Variants in HHIP observed in about 807,000 individuals in gnomAD.
HHIP encodes hedgehog interacting protein.
HHIP carries 12 observed loss-of-function variants against 74.0 expected under a neutral mutation model. That is an observed-to-expected ratio of 0.16 (90% CI 0.10 to 0.26). The LOEUF (loss-of-function observed/expected upper bound fraction) is 0.26. Ranked by LOEUF, HHIP falls within the 10% of genes least tolerant of loss-of-function variation. The pLI is 1.00. For synonymous variants in HHIP, 309 were observed against 311.6 expected (o/e 0.99, Z 0.09); for missense variants, 788 against 845.0 (o/e 0.93, Z 0.84).
intron 4 of HHIP, among the ~76,000 whole-genome samples, chr4:144,702,228 A>C (rs910952709): frequency 6.6e-6 from 1 of 152,200 alleles, no homozygotes; most frequent in Non-Finnish European, 1.5e-5. Flanking sequence ...TGGATACTTA[A>C]TTATTCAAAG....
intron 11 of HHIP, among the ~76,000 whole-genome samples, chr4:144,725,869 C>T (rs1730789907): frequency 6.6e-6 from 1 of 152,074 alleles, no homozygotes. Context: ...GGGGGTTTCA[C>T]CATGTTGGCC....
rs1731230139 is a variant in HHIP at position 144,740,273 on chromosome 4, A to G, written c.*2316A>G. ...CCAAAATAAAAGGTGTTCTATTGCC[A>G]TTAGTTCTACTGTTTTAAAATATCT... On this transcript the variant is annotated 3_prime_UTR_variant, in exon 13 of 13. Transcript: ENST00000296575. 1 of 152,176 alleles carries G rather than the reference A, an allele frequency of 6.6e-6. No homozygotes were observed. Among genetic ancestry groups the G allele is most frequent in the Non-Finnish European group, 1.5e-5 (1 of 68,024 alleles). The allele number at this position is 152,176 out of a possible 1,614,324, so 9.4% of individuals were successfully genotyped here.
intron 11 of HHIP, 152 bp from the exon 12 acceptor site, chr4:144,734,589 A>G: frequency 2.0e-6 from 1 of 506,724 alleles, no homozygotes; most frequent in South Asian, 4.5e-5. Flanking sequence ...TCCTATCCTT[A>G]GAAAGTTGTA....
intron 4 of HHIP, among the ~76,000 whole-genome samples, chr4:144,676,893 G>C (rs1578692154): frequency 6.6e-6 from 1 of 152,250 alleles, no homozygotes. Flanking sequence ...TCCTTCTGAG[G>C]ATGACTGTGT....
At position 144,738,704 on chromosome 4, in the gene HHIP, A is replaced by G; in HGVS notation, c.*747A>G. The stretch of plus-strand genomic sequence containing the variant: ...GTTACATATTTATATATTTTATTTT[A>G]TTTTTATAATATAGACATCACCTAG... On this transcript the variant is annotated 3_prime_UTR_variant, in exon 13 of 13. Coordinates refer to ENST00000296575, the MANE Select transcript of HHIP (RefSeq NM_022475.3). 1 of 779,138 alleles carries G rather than the reference A, an allele frequency of 1.3e-6. No homozygotes were observed. The highest frequency in any genetic ancestry group is 1.6e-6 in the Non-Finnish European group (1 of 641,614). 48.3% of individuals were successfully genotyped at this position (779,138 alleles called of 1,614,324 possible). A position where few individuals can be genotyped will look rare whatever the true frequency, so the allele number is the denominator to read the frequency against.
intron 4 of HHIP, among the ~76,000 whole-genome samples, chr4:144,686,045 C>G (rs571072161): frequency 2.6e-5 from 4 of 152,098 alleles, no homozygotes; most frequent in Non-Finnish European, 5.9e-5. Flanking sequence ...TTTTTGCCAA[C>G]TGAACATTAC....
chr4:144,698,994 C>T (rs1420980189), intron 4 of HHIP, among the ~76,000 whole-genome samples: 1 of 152,140 alleles, frequency 6.6e-6, no homozygotes, highest in African/African-American at 2.4e-5. Context: ...TTTTCTGACA[C>T]CAAATGAGAG....
Position 144,737,985 on chromosome 4 carries a change from C to A in HHIP, c.*28C>A. 1.4e-6 allele frequency: 2 copies of A among 1,467,922 alleles called. No homozygotes were observed. Among genetic ancestry groups the A allele is most frequent in the South Asian group, 1.5e-5 (1 of 67,632 alleles). 90.9% of individuals were successfully genotyped at this position (1,467,922 alleles called of 1,614,324 possible). ...TCTGGGACTGTTTGAATATTCTATTCCAATGGGCATTTATTTTTTATCCTG... is the reference window on the plus strand; with the variant it reads ...TCTGGGACTGTTTGAATATTCTATTACAATGGGCATTTATTTTTTATCCTG... On this transcript the variant is annotated 3_prime_UTR_variant, in exon 13 of 13. Transcript: ENST00000296575.
At chr4:144,721,184 A>G (rs1730623545) in intron 11 of HHIP, among the ~76,000 whole-genome samples, 1 of 152,168 alleles carries the variant, frequency 6.6e-6, no homozygotes, top group South Asian at 2.1e-4. Flanking sequence ...CAAGAAGAGA[A>G]AAGCAGGAAA....
At chr4:144,705,319 A>G (rs984917570) in intron 4 of HHIP, among the ~76,000 whole-genome samples, 4 of 152,228 alleles carry the variant, frequency 2.6e-5, no homozygotes, top group Non-Finnish European at 5.9e-5. Flanking sequence ...GGACAAAAAC[A>G]TGAGAGTGCT....
rs1299552722 is a variant in HHIP, at chr4:144,739,484, T to C, written c.*1527T>C. 1 of 152,246 alleles carries C rather than the reference T, an allele frequency of 6.6e-6. No homozygotes were observed. Among genetic ancestry groups the C allele is most frequent in the African/African-American group, 2.4e-5 (1 of 41,464 alleles). The allele number at this position is 152,246 out of a possible 1,614,324, so 9.4% of individuals were successfully genotyped here. A position where few individuals can be genotyped will look rare whatever the true frequency, so the allele number is the denominator to read the frequency against. On this transcript the variant is annotated 3_prime_UTR_variant, in exon 13 of 13. Coordinates refer to ENST00000296575, the MANE Select transcript of HHIP (RefSeq NM_022475.3). The stretch of plus-strand genomic sequence containing the variant: ...TTACCTTTAGGAATACAAGCCTCAA[T>C]TTAAAAAATATATTGTAGCTAGTAT...
Position 144,742,817 on chromosome 4 carries a change from G to A in HHIP, c.*4860G>A, listed in dbSNP as rs1286311337. ...TGGTCATATATATATTTATATATAT[G>A]GTTATATATATTTGGTTATATATAT... On this transcript the variant is annotated 3_prime_UTR_variant, in exon 13 of 13. Coordinates refer to ENST00000296575, the MANE Select transcript of HHIP (RefSeq NM_022475.3). 1 of 137,468 alleles carries A rather than the reference G, an allele frequency of 7.3e-6. No homozygotes were observed. Among genetic ancestry groups the A allele is most frequent in the Non-Finnish European group, 1.6e-5 (1 of 64,042 alleles). 8.5% of individuals were successfully genotyped at this position (137,468 alleles called of 1,614,324 possible).
Position 144,711,427 on chromosome 4 carries a change from C to T in HHIP, c.1302-523C>T, listed in dbSNP as rs747763416. Among the ~76,000 whole-genome samples the T allele has an allele frequency of 5.9e-5, 9 of 152,170 alleles. No homozygotes were observed. The East Asian group carries it at 1.5e-3, about 26-fold the overall frequency. On this transcript the variant is annotated intron_variant, in intron 7 of 12. Transcript: ENST00000296575. ...CATGGTAGTTTGCTGCACCTATCAA[C>T]CCGTCATCTAGGTTTTAAGCCCGTA...
chr4:144,721,902 C>CAAAAAAA (rs766278808), intron 11 of HHIP, among the ~76,000 whole-genome samples: 1 of 95,608 alleles, frequency 1.0e-5, no homozygotes, highest in African/African-American at 4.0e-5. Flanking sequence ...GACTCTGTCT[C>CAAAAAAA]AAAAAAAAAA....
intron 11 of HHIP, among the ~76,000 whole-genome samples, chr4:144,729,788 C>T (rs1730898171): frequency 6.9e-6 from 1 of 145,870 alleles, no homozygotes; most frequent in Admixed American, 7.1e-5. Flanking sequence ...AGAATTATTA[C>T]ATCTTCTAAT....
intron 4 of HHIP, among the ~76,000 whole-genome samples, chr4:144,704,471 A>T (rs1730074523): frequency 6.6e-6 from 1 of 152,212 alleles, no homozygotes; most frequent in Non-Finnish European, 1.5e-5. Flanking sequence ...TAAAGTGAAC[A>T]ATTGTCTTCT....
intron 7 of HHIP, among the ~76,000 whole-genome samples, chr4:144,710,887 T>C (rs908458894): frequency 6.6e-6 from 1 of 152,232 alleles, no homozygotes; most frequent in African/African-American, 2.4e-5. Flanking sequence ...TCCACACTTT[T>C]GATAACTTCC....
At chr4:144,683,607 T>G (rs1042922367) in intron 4 of HHIP, among the ~76,000 whole-genome samples, 2 of 152,264 alleles carry the variant, frequency 1.3e-5, no homozygotes, top group African/African-American at 4.8e-5. Context: ...TAAAGTGTAC[T>G]TAAGACATAC....
intron 4 of HHIP, among the ~76,000 whole-genome samples, chr4:144,706,054 T>A (rs550763758): frequency 2.0e-5 from 3 of 152,370 alleles, no homozygotes; most frequent in African/African-American, 7.2e-5. Context: ...GTTTACATAT[T>A]ACACAAGCAA....
Sources: allele counts gnomAD v4.1 joint callset (sites outside exome capture counted in the v4.1 genomes callset), GRCh38; gene constraint gnomAD v4.1.1; transcripts MANE v1.5; gene names NCBI Gene and HGNC (gene_info 2026-07-23, HGNC 2026-07-21).